The following BOLL variants were observed in gnomAD, a reference collection of about 807,000 sequenced individuals.
The protein encoded by BOLL is protein boule-like.
BOLL carries 23 observed loss-of-function variants against 44.4 expected under a neutral mutation model. That is an observed-to-expected ratio of 0.52 (90% confidence interval 0.37 to 0.73). BOLL has a LOEUF of 0.73. Ranked by LOEUF, BOLL falls within the 30% of genes least tolerant of loss-of-function variation. The probability of loss-of-function intolerance (pLI) is 0.00; values close to 1 mark genes in which losing one functional copy is unlikely to be tolerated. For missense variants in BOLL, 287 were observed against 338.3 expected (o/e 0.85, Z 1.19); for synonymous variants, 97 against 110.8 (o/e 0.88, Z 0.78).
intron 9 of BOLL, among the ~76,000 whole-genome samples, chr2:197,751,131 G>A (rs966742111): frequency 6.6e-6 from 1 of 152,120 alleles, no homozygotes; most frequent in African/African-American, 2.4e-5. Flanking sequence ...CAGAATCTCT[G>A]GGACACAGTT....
At chr2:197,784,044 C>G (rs566562807) in intron 1 of BOLL, among the ~76,000 whole-genome samples, 95 of 152,148 alleles carry the variant, frequency 6.2e-4, no homozygotes, top group Non-Finnish European at 7.9e-4. Flanking sequence ...AAAGGATACT[C>G]CCTGAGAAAA....
At chr2:197,733,819 G>C (rs1215928264) in intron 10 of BOLL, among the ~76,000 whole-genome samples, 1 of 152,118 alleles carries the variant, frequency 6.6e-6, no homozygotes, top group Non-Finnish European at 1.5e-5. Flanking sequence ...ATTCAAGATG[G>C]ATTAAAGACT....
At chr2:197,774,706 A>G (rs920566768) in intron 5 of BOLL, 19 of 152,042 alleles carry the variant, frequency 1.2e-4, no homozygotes, top group African/African-American at 4.3e-4. Context: ...GTAGATTGAA[A>G]ATATTCAGCA....
intron 1 of BOLL, among the ~76,000 whole-genome samples, chr2:197,784,065 C>G (rs1294621096): frequency 2.0e-5 from 3 of 151,874 alleles, no homozygotes; most frequent in African/African-American, 7.3e-5. Flanking sequence ...GAAAAACAAC[C>G]TTTCACACTC....
chr2:197,756,637 G>C (rs1366019181), intron 8 of BOLL, 81 bp from the exon 9 acceptor site: 3 of 1,324,346 alleles, frequency 2.3e-6, no homozygotes, highest in Admixed American at 5.9e-5. Context: ...ACAGATGAGA[G>C]AAGTACTTGT....
At chr2:197,754,750 AACACACACACAC>A (rs142614771) in intron 9 of BOLL, among the ~76,000 whole-genome samples, 24 of 149,966 alleles carry the variant, frequency 1.6e-4, no homozygotes, top group Middle Eastern at 3.2e-3. Context: ...AAAACCCCAA[AACACACACACAC>A]ACACACACAC....
chr2:197,759,090 C>T (rs930846983), intron 7 of BOLL: 9 of 1,050,088 alleles, frequency 8.6e-6, no homozygotes, highest in African/African-American at 6.3e-5. Flanking sequence ...CTCCCCACCC[C>T]GCCACAAGAA....
chr2:197,776,256 G>T (rs1689507807), intron 4 of BOLL, among the ~76,000 whole-genome samples: 1 of 151,842 alleles, frequency 6.6e-6, no homozygotes, highest in African/African-American at 2.4e-5. Flanking sequence ...TTGTTGAAGT[G>T]CTGGCTAGCA....
chr2:197,763,984 A>C (rs1688876273), intron 7 of BOLL, among the ~76,000 whole-genome samples: 1 of 152,234 alleles, frequency 6.6e-6, no homozygotes, highest in African/African-American at 2.4e-5. Flanking sequence ...TCAAAACCAC[A>C]ATGAGGTATT....
At chr2:197,734,632 A>G (rs1310182473) in intron 10 of BOLL, among the ~76,000 whole-genome samples, 2 of 152,212 alleles carry the variant, frequency 1.3e-5, no homozygotes, top group East Asian at 1.9e-4. Flanking sequence ...TGCAGCCATA[A>G]AAAATGATGA....
intron 9 of BOLL, among the ~76,000 whole-genome samples, chr2:197,755,276 G>T (rs536158048): frequency 1.3e-5 from 2 of 152,120 alleles, no homozygotes; most frequent in Admixed American, 6.6e-5. Flanking sequence ...AAACAGGAAC[G>T]CTTTTTTACA....
At chr2:197,738,241 CTCTTT>C (rs780305611) in intron 10 of BOLL, among the ~76,000 whole-genome samples, 1 of 151,946 alleles carries the variant, frequency 6.6e-6, no homozygotes. Flanking sequence ...AAACTTAATT[CTCTTT>C]TATTTCTTTT....
At chr2:197,764,246 A>G (rs562917729) in intron 7 of BOLL, among the ~76,000 whole-genome samples, 4 of 152,346 alleles carry the variant, frequency 2.6e-5, no homozygotes, top group Admixed American at 2.6e-4. Context: ...CCCCATGTTT[A>G]TTACAGCATT....
intron 10 of BOLL, among the ~76,000 whole-genome samples, chr2:197,733,493 C>G (rs547175564): frequency 3.3e-5 from 5 of 151,180 alleles, no homozygotes; most frequent in Non-Finnish European, 7.4e-5. Flanking sequence ...AAAAAGAGCC[C>G]GCATCGCCAA....
intron 6 of BOLL, among the ~76,000 whole-genome samples, chr2:197,770,859 A>C (rs752278179): frequency 6.6e-6 from 1 of 152,128 alleles, no homozygotes; most frequent in Non-Finnish European, 1.5e-5. Context: ...CAGGTGCTGG[A>C]GGGGATATGG....
chr2:197,781,874 T>C lies in BOLL; in HGVS notation c.-15-9A>G, dbSNP rs1333560085. On this transcript the variant is annotated splice_polypyrimidine_tract_variant and intron_variant, in intron 1 of 10. Transcript: ENST00000392296. ...ATCTGGTTTGATGTTTGCTGTAAAA[T>C]AAAATTCTTTTACACTTTTTGCACT... is the stretch of plus-strand genomic sequence containing the variant. 5 of 1,579,040 alleles carry C rather than the reference T, an allele frequency of 3.2e-6. No individual in the cohort carries two copies. The South Asian group carries it at 4.7e-5, about 15-fold the overall frequency.
Position 197,774,033 on chromosome 2 carries a change from T to C in BOLL, c.352+1632A>G, listed in dbSNP as rs1270420555. On this transcript the variant is annotated intron_variant, in intron 5 of 10. Coordinates refer to ENST00000392296, the MANE Select transcript of BOLL (RefSeq NM_033030.6). Reference sequence around the variant, plus strand: ...CTTCGCAGAAAAGTCAAAAGAACTTTGGAGTCAAACAGTCCTGCATTTGAA... The same window carrying C: ...CTTCGCAGAAAAGTCAAAAGAACTTCGGAGTCAAACAGTCCTGCATTTGAA... 7 of 463,528 alleles carry C rather than the reference T, an allele frequency of 1.5e-5. No homozygotes were observed. In the East Asian group the frequency reaches 4.3e-4, roughly 28 times the overall value. The allele number at this position is 463,528 out of a possible 1,614,324, so 28.7% of individuals were successfully genotyped here.
chr2:197,753,252 C>G (rs1172840021), intron 9 of BOLL, among the ~76,000 whole-genome samples: 1 of 151,440 alleles, frequency 6.6e-6, no homozygotes, highest in Non-Finnish European at 1.5e-5. Flanking sequence ...GACTAAAACA[C>G]TAAAAGTAAT....
At position 197,728,555 on chromosome 2, in the gene BOLL, TTAA is replaced by T; in HGVS notation, c.849_851del (p.Tyr283del). On this transcript the variant is annotated inframe_deletion, in exon 11 of 11. Transcript: ENST00000392296. ...GCTGGAATAGAGCTGCCCAATTGTC[TTAA>T]TAATGAATGCTCCACACTGTCTGTT... 1 of 1,613,254 alleles carries T rather than the reference TTAA, an allele frequency of 6.2e-7. No homozygotes were observed. Among genetic ancestry groups the T allele is most frequent in the Non-Finnish European group, 8.5e-7 (1 of 1,179,208 alleles).
Sources: allele counts gnomAD v4.1 joint callset (sites outside exome capture counted in the v4.1 genomes callset), GRCh38; gene constraint gnomAD v4.1.1; transcripts MANE v1.5; gene names NCBI Gene and HGNC (gene_info 2026-07-23, HGNC 2026-07-21).